Variants in ADGRL3 observed in about 807,000 individuals in gnomAD.
The protein encoded by ADGRL3 is calcium-independent alpha-latrotoxin receptor 3.
Under a neutral mutation model 153.5 loss-of-function variants are expected in ADGRL3, and 62 were observed. The ratio of observed to expected loss-of-function variants is 0.40; its 90% confidence interval spans 0.33 to 0.50. The LOEUF (loss-of-function observed/expected upper bound fraction) is 0.50, where lower values mean the gene tolerates loss of function less well. ADGRL3 is among the 20% of genes least tolerant of loss of function. The pLI is 0.47. For synonymous variants in ADGRL3, 710 were observed against 672.5 expected (o/e 1.06, Z -0.86); for missense variants, 1,641 against 1,859.4 (o/e 0.88, Z 2.16).
At chr4:61,236,823 A>G (rs1394956) in intron 1 of ADGRL3, among the ~76,000 whole-genome samples, 101,634 of 151,924 alleles carry the variant, frequency 0.67, 34,222 homozygotes, top group East Asian at 0.86. Context: ...AGTTTTCTCC[A>G]CGTGGTATAT....
chr4:61,827,219 G>T (rs143306836), intron 9 of ADGRL3, among the ~76,000 whole-genome samples: 1 of 152,140 alleles, frequency 6.6e-6, no homozygotes, highest in Non-Finnish European at 1.5e-5. Flanking sequence ...TGAAAAGACC[G>T]CATTTGCTGT....
intron 4 of ADGRL3, among the ~76,000 whole-genome samples, chr4:61,569,174 C>G (rs1467976521): frequency 6.6e-6 from 1 of 152,124 alleles, no homozygotes; most frequent in Non-Finnish European, 1.5e-5. Context: ...ACCTCTCTGA[C>G]TAGATTGTCT....
At chr4:61,630,224 G>T (rs1171203915) in intron 5 of ADGRL3, among the ~76,000 whole-genome samples, 2 of 152,076 alleles carry the variant, frequency 1.3e-5, no homozygotes, top group East Asian at 3.9e-4. Context: ...AATATTTCAG[G>T]CATACTTAAA....
At chr4:61,654,116 T>C (rs1171884409) in intron 5 of ADGRL3, among the ~76,000 whole-genome samples, 3 of 152,254 alleles carry the variant, frequency 2.0e-5, no homozygotes, top group South Asian at 4.1e-4. Context: ...GAGAGGATTA[T>C]ACTAACTGCA....
intron 1 of ADGRL3, among the ~76,000 whole-genome samples, chr4:61,209,088 A>G (rs1447755751): frequency 3.3e-5 from 5 of 152,162 alleles, no homozygotes; most frequent in Non-Finnish European, 7.4e-5. Flanking sequence ...TTTTGGGGGT[A>G]TATTCTATGG....
chr4:61,255,257 A>T (rs2091849114), intron 1 of ADGRL3, among the ~76,000 whole-genome samples: 2 of 152,188 alleles, frequency 1.3e-5, no homozygotes, highest in African/African-American at 4.8e-5. Flanking sequence ...AGCAAATCTT[A>T]TGGCCAGAAG....
At chr4:61,637,346 G>A (rs1276503376) in intron 5 of ADGRL3, among the ~76,000 whole-genome samples, 1 of 152,118 alleles carries the variant, frequency 6.6e-6, no homozygotes, top group Non-Finnish European at 1.5e-5. Flanking sequence ...CAGAAGCCAA[G>A]CAATGCCAAA....
At chr4:62,022,509 A>G (rs2099242614) in intron 21 of ADGRL3, among the ~76,000 whole-genome samples, 1 of 152,200 alleles carries the variant, frequency 6.6e-6, no homozygotes, top group African/African-American at 2.4e-5. Context: ...TATTGGAACA[A>G]GATGCCATCT....
intron 4 of ADGRL3, among the ~76,000 whole-genome samples, chr4:61,525,604 C>T (rs772867042): frequency 1.8e-4 from 28 of 152,028 alleles, no homozygotes; most frequent in Admixed American, 1.1e-3. Flanking sequence ...AAGTAGAGAG[C>T]TCAGTTAGGT....
intron 19 of ADGRL3, among the ~76,000 whole-genome samples, chr4:61,994,577 C>T (rs1440156412): frequency 6.6e-6 from 1 of 151,534 alleles, no homozygotes; most frequent in African/African-American, 2.4e-5. Context: ...AAGCCAAAAA[C>T]CATAATAAAC....
At chr4:61,847,659 A>ATATATATAATATAAAATATAT (rs1406454387) in intron 9 of ADGRL3, among the ~76,000 whole-genome samples, 5 of 54,412 alleles carry the variant, frequency 9.2e-5, no homozygotes, top group Non-Finnish European at 1.3e-4. Flanking sequence ...AAAATATATT[A>ATATATATAATATAAAATATAT]TATATATAAT....
intron 2 of ADGRL3, among the ~76,000 whole-genome samples, chr4:61,417,704 CTTT>C (rs57443466): frequency 6.7e-6 from 1 of 149,626 alleles, no homozygotes; most frequent in Non-Finnish European, 1.5e-5. Flanking sequence ...TGCCAAATGA[CTTT>C]TTTTTTTTCA....
chr4:61,872,822 A>G (rs2098453656), intron 9 of ADGRL3, among the ~76,000 whole-genome samples: 1 of 152,152 alleles, frequency 6.6e-6, no homozygotes, highest in South Asian at 2.1e-4. Flanking sequence ...AAAAGTAACA[A>G]TTTTTTATTT....
chr4:61,796,147 T>G (rs1449697622), intron 8 of ADGRL3, among the ~76,000 whole-genome samples: 5 of 152,184 alleles, frequency 3.3e-5, no homozygotes, highest in African/African-American at 1.2e-4. Flanking sequence ...CTACTTCTTA[T>G]ACATTGTAGT....
At chr4:61,711,458 T>TTATGTA (rs1554009826) in intron 6 of ADGRL3, among the ~76,000 whole-genome samples, 1 of 34,662 alleles carries the variant, frequency 2.9e-5, no homozygotes, top group East Asian at 2.4e-3. Flanking sequence ...ATATGCTTCA[T>TTATGTA]TATATATATA....
At chr4:61,775,911 A>AT (rs950649155) in intron 8 of ADGRL3, 16 of 214,740 alleles carry the variant, frequency 7.5e-5, no homozygotes, top group Non-Finnish European at 6.2e-5. Context: ...TTATTTATTT[A>AT]TTTTTTTGAG....
intron 21 of ADGRL3, among the ~76,000 whole-genome samples, chr4:62,012,882 A>G (rs188041179): frequency 2.3e-3 from 348 of 152,292 alleles, no homozygotes; most frequent in Non-Finnish European, 2.3e-3. Flanking sequence ...TAGTATGTAA[A>G]GTTAATTACT....
At chr4:62,007,512 G>A (rs1287890660) in intron 21 of ADGRL3, among the ~76,000 whole-genome samples, 1 of 142,576 alleles carries the variant, frequency 7.0e-6, no homozygotes, top group Non-Finnish European at 1.5e-5. Flanking sequence ...ACCTCCTCTG[G>A]TGATAGATTA....
At chr4:61,971,622 G>A (rs1396799365) in intron 17 of ADGRL3, among the ~76,000 whole-genome samples, 1 of 152,012 alleles carries the variant, frequency 6.6e-6, no homozygotes, top group Non-Finnish European at 1.5e-5. Flanking sequence ...AAACATACAT[G>A]TGCATGTGTC....
Sources: gnomAD v4.1 joint callset for allele counts (sites outside exome capture counted in the v4.1 genomes callset) on GRCh38, gnomAD v4.1.1 for gene constraint, MANE v1.5 for transcripts, NCBI Gene and HGNC (gene_info 2026-07-23, HGNC 2026-07-21) for gene names.